The following FAM13C variants were observed in gnomAD, a reference collection of about 807,000 sequenced individuals.
FAM13C encodes protein FAM13C.
Under a neutral mutation model 73.2 loss-of-function variants are expected in FAM13C, and 37 were observed. The ratio of observed to expected loss-of-function variants is 0.51; its 90% CI spans 0.39 to 0.67. The LOEUF is 0.67. Among genes scored for constraint, FAM13C ranks in the 30% least tolerant of loss-of-function variants. The probability of loss-of-function intolerance (pLI) is 0.00; values close to 1 mark genes in which losing one functional copy is unlikely to be tolerated. For missense variants in FAM13C, 589 were observed against 715.6 expected (o/e 0.82, Z 2.02); for synonymous variants, 246 against 260.9 (o/e 0.94, Z 0.55).
chr10:59,270,195 C>T (rs968309017), intron 6 of FAM13C, 86 bp from the exon 7 acceptor site: 14 of 1,306,294 alleles, frequency 1.1e-5, no homozygotes, highest in Non-Finnish European at 1.4e-5. Flanking sequence ...CATAAGCATT[C>T]ATTATAATGG....
rs973930457 is a variant in FAM13C at position 59,355,906 on chromosome 10, T to G, written c.100A>C (p.Thr34Pro). Residue 34 changes from threonine to proline, a missense_variant, in exon 2 of 14, where the codon ACT becomes CCT. By Grantham distance (38) the Thr-to-Pro change is conservative. Coordinates refer to ENST00000618804, the MANE Select transcript of FAM13C (RefSeq NM_198215.4). ...EDPVSLHEDQTDCSSLRDENN... is the reference protein window; with the variant it reads ...EDPVSLHEDQPDCSSLRDENN... ...TTTTACCTGAGACTGGAGCAATCAG[T>G]CTGGTCTTCATGTAGAGAGACTGGA... 15 of 1,613,984 alleles carry G rather than the reference T, an allele frequency of 9.3e-6. No individual in the cohort carries two copies. Among genetic ancestry groups the G allele is most frequent in the Non-Finnish European group, 1.3e-5 (15 of 1,179,908 alleles).
At chr10:59,278,812 AG>A (rs1319171739) in intron 6 of FAM13C, among the ~76,000 whole-genome samples, 1 of 150,988 alleles carries the variant, frequency 6.6e-6, no homozygotes, top group Non-Finnish European at 1.5e-5. Flanking sequence ...AGGCTTTAGA[AG>A]TCTCGATGTC....
intron 5 of FAM13C, among the ~76,000 whole-genome samples, chr10:59,295,892 A>G (rs965499006): frequency 3.3e-5 from 5 of 152,152 alleles, no homozygotes; most frequent in African/African-American, 1.2e-4. Flanking sequence ...TCCTGATCCT[A>G]AGTTTTCTGC....
At chr10:59,313,831 G>T (rs1192070784) in intron 4 of FAM13C, among the ~76,000 whole-genome samples, 2 of 152,140 alleles carry the variant, frequency 1.3e-5, no homozygotes, top group African/African-American at 2.4e-5. Flanking sequence ...AATGAAATAT[G>T]GCCAAGAGAG....
In FAM13C at chr10:59,295,811, C is replaced by A. The variant is rs538393578; in HGVS notation, c.507+6990G>T. ...AAGCCAATATAGAAAAAGAAGAACC[C>A]AGAGATAGAAATAGATGGCATCTCC... is the stretch of plus-strand genomic sequence containing the variant. On this transcript the variant is annotated intron_variant, in intron 5 of 13. Coordinates refer to ENST00000618804, the MANE Select transcript of FAM13C (RefSeq NM_198215.4). Among the ~76,000 whole-genome samples the A allele has an allele frequency of 5.4e-4, 82 of 152,264 alleles. 1 individual carries two copies. In the South Asian group the frequency reaches 0.011, roughly 21 times the overall value.
At chr10:59,250,679 G>C (rs1044958467) in intron 13 of FAM13C, among the ~76,000 whole-genome samples, 19 of 152,168 alleles carry the variant, frequency 1.2e-4, no homozygotes, top group Admixed American at 1.2e-3. Flanking sequence ...TAAATGGAGA[G>C]GAATACAGAG....
At chr10:59,250,137 AAAAATTCCCATAGAATACCTTT>A (rs1841226547) in intron 13 of FAM13C, among the ~76,000 whole-genome samples, 1 of 152,232 alleles carries the variant, frequency 6.6e-6, no homozygotes, top group Admixed American at 6.5e-5. Flanking sequence ...TCCCTGAATG[AAAAATTCCCATAGAATACCTTT>A]AATCCAAAAG....
rs1325547655 is a variant in FAM13C at position 59,252,847 on chromosome 10, T to A, written c.1484A>T (p.Glu495Val). 1 of 1,614,122 alleles carries A rather than the reference T, an allele frequency of 6.2e-7. No homozygotes were observed. Among genetic ancestry groups the A allele is most frequent in the South Asian group, 1.1e-5 (1 of 91,082 alleles). The change falls in exon 12 of 14, where the codon GAA (glutamate) becomes GTA (valine). Residue 495 changes from glutamate (E) to valine (V), a missense_variant. Transcript: ENST00000618804. ...VRALLPDEKK[E>V]VKPPALSMSN... ...CATGGAGAGAGCTGGTGGTTTTACT[T>A]CTTTCTTTTCATCTGGTAAAAGGGC...
rs773953066 is a variant in FAM13C at position 59,324,123 on chromosome 10, C to G, written c.325-17G>C. The G allele has an allele frequency of 6.3e-7, 1 of 1,598,090 alleles. No individual in the cohort carries two copies. The highest frequency in any genetic ancestry group is 1.1e-5 in the South Asian group (1 of 90,150). ...CTCTGTCTCCTGCAAGAAGAAAGAGCAAAAGTAGATGAGCTGTCAACAGCA... is the reference window on the plus strand; with the variant it reads ...CTCTGTCTCCTGCAAGAAGAAAGAGGAAAAGTAGATGAGCTGTCAACAGCA... On this transcript the variant is annotated splice_polypyrimidine_tract_variant and intron_variant, in intron 3 of 13. Transcript: ENST00000618804.
In FAM13C at chr10:59,352,125, GT is replaced by G; in HGVS notation, c.324+144del. On this transcript the variant is annotated intron_variant, in intron 3 of 13. Coordinates refer to ENST00000618804, the MANE Select transcript of FAM13C (RefSeq NM_198215.4). ...ACTTTTAACCTGCAAGAGCTTCCACGTGTCTCAGGTCGGCAGAGCACGCAAT... is the reference window on the plus strand; with the variant it reads ...ACTTTTAACCTGCAAGAGCTTCCACGGTCTCAGGTCGGCAGAGCACGCAAT... 3.7e-6 allele frequency: 3 copies of G among 821,808 alleles called. No homozygotes were observed. The African/African-American group carries it at 5.1e-5, about 14-fold the overall frequency. The allele number at this position is 821,808 out of a possible 1,614,324, so 50.9% of individuals were successfully genotyped here.
chr10:59,334,476 C>T (rs1232070424), intron 3 of FAM13C, among the ~76,000 whole-genome samples: 1 of 152,192 alleles, frequency 6.6e-6, no homozygotes, highest in South Asian at 2.1e-4. Flanking sequence ...TATTGCAGCA[C>T]TATTCATAAT....
At chr10:59,291,890 G>A (rs900688648) in intron 5 of FAM13C, among the ~76,000 whole-genome samples, 13 of 144,094 alleles carry the variant, frequency 9.0e-5, no homozygotes, top group African/African-American at 2.1e-4. Context: ...CTGGGTTCAC[G>A]CCATTCTCCT....
chr10:59,359,526 T>C (rs1245846212), intron 1 of FAM13C, among the ~76,000 whole-genome samples: 1 of 152,242 alleles, frequency 6.6e-6, no homozygotes, highest in African/African-American at 2.4e-5. Context: ...TACAGCCTCC[T>C]GTGGGCTTTC....
chr10:59,358,145 G>T (rs562025966), intron 1 of FAM13C, among the ~76,000 whole-genome samples: 1 of 152,256 alleles, frequency 6.6e-6, no homozygotes, highest in East Asian at 1.9e-4. Context: ...CAGAACTCTG[G>T]GAGGCCAAGG....
In FAM13C at chr10:59,362,488, C is replaced by G. The variant is rs775100261; in HGVS notation, c.-28G>C. The stretch of plus-strand genomic sequence containing the variant: ...GCCAAGTCTGGCCGGGGAGCCGTCT[C>G]CCTGATTGCTCTCCGGGAGTTAGAG... On this transcript the variant is annotated 5_prime_UTR_variant, in exon 1 of 14. Coordinates refer to ENST00000618804, the MANE Select transcript of FAM13C (RefSeq NM_198215.4). 9 of 1,609,888 alleles carry G rather than the reference C, an allele frequency of 5.6e-6. No individual in the cohort carries two copies. In the South Asian group the frequency reaches 1.0e-4, roughly 18 times the overall value.
intron 4 of FAM13C, among the ~76,000 whole-genome samples, chr10:59,309,134 TA>T (rs2133916800): frequency 6.6e-6 from 1 of 152,334 alleles, no homozygotes; most frequent in Admixed American, 6.5e-5. Flanking sequence ...GACAGCTATC[TA>T]ACGCTTTTCT....
chr10:59,319,072 AACACACACACACACAC>A (rs59965630), intron 4 of FAM13C, among the ~76,000 whole-genome samples: 208 of 134,654 alleles, frequency 1.5e-3, no homozygotes, highest in African/African-American at 5.3e-3. Context: ...TAGCTATTCA[AACACACACACACACAC>A]ACACACACAC....
At chr10:59,288,423 G>A (rs377347546) in intron 5 of FAM13C, among the ~76,000 whole-genome samples, 3 of 152,158 alleles carry the variant, frequency 2.0e-5, no homozygotes, top group Admixed American at 6.5e-5. Context: ...AACCCAGGAG[G>A]TGGAGGGTGC....
At chr10:59,314,863 A>G (rs183171138) in intron 4 of FAM13C, among the ~76,000 whole-genome samples, 1 of 152,218 alleles carries the variant, frequency 6.6e-6, no homozygotes, top group Non-Finnish European at 1.5e-5. Flanking sequence ...AGAGGCATCT[A>G]TGATACAAAT....
Sources: allele counts gnomAD v4.1 joint callset (sites outside exome capture counted in the v4.1 genomes callset), GRCh38; gene constraint gnomAD v4.1.1; transcripts MANE v1.5; gene names NCBI Gene and HGNC (gene_info 2026-07-23, HGNC 2026-07-21).